The following FAM117A variants were observed in gnomAD, a reference collection of about 807,000 sequenced individuals.
FAM117A encodes the protein protein FAM117A.
A neutral mutation model predicts 44.1 loss-of-function variants in FAM117A; 21 were observed. The observed-to-expected ratio is 0.48, with a 90% CI of 0.34 to 0.69. FAM117A has a LOEUF of 0.69. FAM117A is among the 30% of genes least tolerant of loss of function. The probability of loss-of-function intolerance (pLI) is 0.01; values close to 1 mark genes in which losing one functional copy is unlikely to be tolerated. For synonymous variants in FAM117A, 220 were observed against 238.3 expected (o/e 0.92, Z 0.71); for missense variants, 498 against 589.9 (o/e 0.84, Z 1.61).
At chr17:49,773,891 T>C (rs2073768647) in intron 1 of FAM117A, among the ~76,000 whole-genome samples, 1 of 151,742 alleles carries the variant, frequency 6.6e-6, no homozygotes, top group African/African-American at 2.4e-5. Context: ...ATAGCTGGGA[T>C]TACAGGCATG....
At chr17:49,764,840 C>T (rs772087651), upstream of FAM117A, among the ~76,000 whole-genome samples, 12 of 152,074 alleles carry the variant, frequency 7.9e-5, no homozygotes, top group Admixed American at 1.3e-4. Context: ...TGGTGTTGAT[C>T]CAACCTTAAA....
chr17:49,717,786 G>A (rs1044387826), intron 5 of FAM117A, 72 bp from the exon 6 acceptor site: 1 of 1,268,048 alleles, frequency 7.9e-7, no homozygotes, highest in Non-Finnish European at 1.1e-6. Context: ...TGACCCCAAG[G>A]GTATTTCCCT....
rs555306659 is a variant in FAM117A, at chr17:49,742,010, A to G, written c.197-9290T>C. On this transcript the variant is annotated intron_variant, in intron 1 of 7. Transcript: ENST00000240364. ...AATCTGGAGCTGCAAACACTTCTTT[A>G]AACAACACTTCTTTCAATAGCTATC... 1.2e-4 allele frequency among the ~76,000 whole-genome samples: 19 copies of G among 152,330 alleles called. No homozygotes were observed. In the South Asian group the frequency reaches 3.9e-3, roughly 32 times the overall value.
Position 49,716,318 on chromosome 17 carries a change from G to A in FAM117A, c.911-3C>T, listed in dbSNP as rs751899031. 7.6e-6 allele frequency: 12 copies of A among 1,579,624 alleles called. No homozygotes were observed. The East Asian group carries it at 2.0e-4, about 27-fold the overall frequency. ...GGCTGGGTGTCCTGGAGAGGAGGCT[G>A]TGAACAGAGCAAGGCTAAGTCTAGT... On this transcript the variant is annotated splice_region_variant and splice_polypyrimidine_tract_variant and intron_variant, in intron 6 of 7. Transcript: ENST00000240364.
Position 49,711,308 on chromosome 17 carries a change from G to A in FAM117A, c.1309C>T (p.Arg437Cys), listed in dbSNP as rs770160954. ...ASPLPFEPWQ[R>C]TPPSEEPVLF... ...ACAGGCTCTTCTGATGGTGGGGTGC[G>A]CTGCCATGGCTCGAATGGCAGTGGG... is the stretch of plus-strand genomic sequence containing the variant. Residue 437 changes from arginine (R) to cysteine (C), a missense_variant, in exon 8 of 8, where the codon CGC (arginine) becomes TGC (cysteine). Physicochemically the swap from Arg to Cys is radical, Grantham distance 180. This residue lies in a region of FAM117A where 224 missense variants were observed against 296.5 expected (regional missense o/e 0.76). Coordinates refer to ENST00000240364, the MANE Select transcript of FAM117A (RefSeq NM_030802.4). 18 of 1,609,826 alleles carry A rather than the reference G, an allele frequency of 1.1e-5. No homozygotes were observed. The East Asian group carries it at 1.3e-4, about 12-fold the overall frequency.
chr17:49,773,204 C>G (rs1363145199), intron 1 of FAM117A: 1 of 152,386 alleles, frequency 6.6e-6, no homozygotes, highest in Admixed American at 6.5e-5. Flanking sequence ...ACCTGGGAGG[C>G]TGAGGCAGAG....
intron 1 of FAM117A, among the ~76,000 whole-genome samples, chr17:49,750,503 G>T (rs1286208353): frequency 6.6e-6 from 1 of 151,450 alleles, no homozygotes; most frequent in East Asian, 1.9e-4. Flanking sequence ...GGCCGGGCAT[G>T]GTGGCTCACG....
At chr17:49,715,018 C>T (rs1282369610) in intron 7 of FAM117A, among the ~76,000 whole-genome samples, 1 of 152,140 alleles carries the variant, frequency 6.6e-6, no homozygotes, top group Non-Finnish European at 1.5e-5. Flanking sequence ...CCTCTTCTGG[C>T]ACTGAGTCTA....
intron 2 of FAM117A, among the ~76,000 whole-genome samples, chr17:49,731,114 A>T (rs1162506852): frequency 2.0e-5 from 3 of 152,190 alleles, no homozygotes; most frequent in Admixed American, 6.5e-5. Context: ...AAAATAAATA[A>T]AGGAAAGAAA....
chr17:49,719,884 G>A lies in FAM117A; in HGVS notation c.584C>T (p.Pro195Leu), dbSNP rs780032318. Residue 195 changes from proline (P) to leucine (L), a missense_variant, in exon 5 of 8, where the codon CCC becomes CTC. Pro to Leu is a moderately conservative substitution (Grantham distance 98, BLOSUM62 -3). This residue lies in a region of FAM117A where 270 missense variants were observed against 277.4 expected (regional missense o/e 0.97). Transcript: ENST00000240364. ...GACAGGGGACCCTGAGGGGAAGCTG[G>A]GAGGGGACGCCTGAGGAAGAGGCAA... ...AVRGALRASP[P>L]SFPSGSPVLR... 1 of 1,603,396 alleles carries A rather than the reference G, an allele frequency of 6.2e-7. No homozygotes were observed. Among genetic ancestry groups the A allele is most frequent in the Non-Finnish European group, 8.5e-7 (1 of 1,177,110 alleles).
In FAM117A at chr17:49,784,003, C is replaced by T. The variant is rs1401934266; in HGVS notation, c.-621+4494G>A. Reference sequence around the variant, plus strand: ...GAGAAACATTCAATTTGGTGCCACCCCAATTACTAAGCCCTTTTGGGTGCC... The same window carrying T: ...GAGAAACATTCAATTTGGTGCCACCTCAATTACTAAGCCCTTTTGGGTGCC... On this transcript the variant is annotated intron_variant, in intron 1 of 7. Transcript: ENST00000513602. Among the ~76,000 whole-genome samples the T allele has an allele frequency of 8.5e-5, 13 of 152,288 alleles. No individual in the cohort carries two copies. In the East Asian group the frequency reaches 2.5e-3, roughly 29 times the overall value.
chr17:49,754,203 G>A (rs2073688407), intron 1 of FAM117A, among the ~76,000 whole-genome samples: 2 of 150,404 alleles, frequency 1.3e-5, no homozygotes, highest in Non-Finnish European at 3.0e-5. Context: ...TGTGTGGCAA[G>A]TTTTCCACCA....
At position 49,740,466 on chromosome 17, in the gene FAM117A, G is replaced by A. The variant is rs547655868; in HGVS notation, c.197-7746C>T. On this transcript the variant is annotated intron_variant, in intron 1 of 7. Coordinates refer to ENST00000240364, the MANE Select transcript of FAM117A (RefSeq NM_030802.4). ...GGGTTTCACCGTGTTAGCCAGGATGGTCTTGATCTTCTGACCTTGTGATCC... is the reference window on the plus strand; with the variant it reads ...GGGTTTCACCGTGTTAGCCAGGATGATCTTGATCTTCTGACCTTGTGATCC... 2.0e-4 allele frequency among the ~76,000 whole-genome samples: 30 copies of A among 152,304 alleles called. No homozygotes were observed. In the South Asian group the frequency reaches 5.8e-3, roughly 29 times the overall value.
In FAM117A at chr17:49,710,359, G is replaced by T. The variant is rs2073471097; in HGVS notation, c.*896C>A. ...CTGGGAATATTTATTTATTTATTTG[G>T]TCTATTAACACCAAGATCTGCAAAA... On this transcript the variant is annotated 3_prime_UTR_variant, in exon 8 of 8. Coordinates refer to ENST00000240364, the MANE Select transcript of FAM117A (RefSeq NM_030802.4). 6.6e-6 allele frequency: 1 copy of T among 152,416 alleles called. No individual in the cohort carries two copies. The highest frequency in any genetic ancestry group is 6.6e-5 in the Admixed American group (1 of 15,256). The allele number at this position is 152,416 out of a possible 1,614,324, so 9.4% of individuals were successfully genotyped here. A position where few individuals can be genotyped will look rare whatever the true frequency, so the allele number is the denominator to read the frequency against.
At chr17:49,775,915 A>G (rs996800751) in intron 1 of FAM117A, among the ~76,000 whole-genome samples, 1 of 152,102 alleles carries the variant, frequency 6.6e-6, no homozygotes, top group East Asian at 1.9e-4. Flanking sequence ...CAATCCTGTC[A>G]ATTTCTTGGC....
intron 1 of FAM117A, among the ~76,000 whole-genome samples, chr17:49,769,217 C>T (rs1270417728): frequency 6.6e-6 from 1 of 151,976 alleles, no homozygotes; most frequent in Non-Finnish European, 1.5e-5. Flanking sequence ...ATCCCTTGAA[C>T]CCGGGAGGCG....
At chr17:49,769,378 G>A (rs1054518522) in intron 1 of FAM117A, among the ~76,000 whole-genome samples, 7 of 152,016 alleles carry the variant, frequency 4.6e-5, no homozygotes, top group African/African-American at 1.7e-4. Context: ...AACAGGTAAA[G>A]GGTAAATGTA....
intron 1 of FAM117A, among the ~76,000 whole-genome samples, chr17:49,787,364 G>A (rs905176051): frequency 6.6e-6 from 1 of 152,108 alleles, no homozygotes; most frequent in Non-Finnish European, 1.5e-5. Flanking sequence ...GGTTATCAAA[G>A]GTATTTATAC....
At chr17:49,721,315 A>G (rs1241246607) in intron 3 of FAM117A, among the ~76,000 whole-genome samples, 4 of 152,206 alleles carry the variant, frequency 2.6e-5, no homozygotes, top group African/African-American at 9.7e-5. Context: ...ATGAAGAGCT[A>G]TTTAAATATA....
Sources: gnomAD v4.1 joint callset for allele counts (sites outside exome capture counted in the v4.1 genomes callset) on GRCh38, gnomAD v4.1.1 for gene constraint, gnomAD v4.1.1 regional missense constraint, MANE v1.5 for transcripts, NCBI Gene and HGNC (gene_info 2026-07-23, HGNC 2026-07-21) for gene names.